The following CATSPERT variants were observed in gnomAD, a reference collection of about 807,000 sequenced individuals.
The protein encoded by CATSPERT is catsper channel auxiliary subunit tau, also known as cation channel sperm-associated targeting subunit tau.
At chr2:201,597,843 T>C in the CATSPERT span, among the ~76,000 whole-genome samples, 1 of 152,176 alleles carries the variant, frequency 6.6e-6, no homozygotes, top group Non-Finnish European at 1.5e-5. Flanking sequence ...AGCAGCTTTC[T>C]GGAACAATTA....
chr2:201,574,383 A>C, the CATSPERT span: 1 of 835,354 alleles, frequency 1.2e-6, no homozygotes, highest in African/African-American at 1.8e-5. Context: ...GAAAAGCCAA[A>C]GTATGAATCT....
the CATSPERT span, chr2:201,619,088 C>T: frequency 6.2e-7 from 1 of 1,614,196 alleles, no homozygotes; most frequent in Non-Finnish European, 8.5e-7. Flanking sequence ...CTGCGGTTAT[C>T]AAGTGTGCTG....
At chr2:201,615,920 T>G in the CATSPERT span, among the ~76,000 whole-genome samples, 131 of 152,306 alleles carry the variant, frequency 8.6e-4, no homozygotes, top group Non-Finnish European at 1.4e-3. Flanking sequence ...CAGAGAATAC[T>G]ATAAACACCT....
chr2:201,518,522 G>T, the CATSPERT span, among the ~76,000 whole-genome samples: 1 of 152,202 alleles, frequency 6.6e-6, no homozygotes, highest in Non-Finnish European at 1.5e-5. Context: ...AATGGTAGAT[G>T]AGTAGGTATC....
At chr2:201,506,268 A>AAAAC in the CATSPERT span, among the ~76,000 whole-genome samples, 6,258 of 151,150 alleles carry the variant, frequency 0.041, 335 homozygotes, top group African/African-American at 0.12. Flanking sequence ...CTCCGTCTCA[A>AAAAC]AAACAAACAA....
the CATSPERT span, among the ~76,000 whole-genome samples, chr2:201,575,834 C>A: frequency 3.3e-5 from 5 of 152,150 alleles, no homozygotes; most frequent in African/African-American, 9.7e-5. Flanking sequence ...CTTGAACCAT[C>A]TCGACCCACC....
chr2:201,611,555 G>A, the CATSPERT span, among the ~76,000 whole-genome samples: 1 of 152,072 alleles, frequency 6.6e-6, no homozygotes, highest in Non-Finnish European at 1.5e-5. Context: ...TTTAATAACT[G>A]TGTAGCAAAA....
At chr2:201,503,718 T>C in the CATSPERT span, among the ~76,000 whole-genome samples, 13,934 of 152,216 alleles carry the variant, frequency 0.092, 836 homozygotes, top group Non-Finnish European at 0.14. Context: ...TAACATTGTA[T>C]TGAATGTTAG....
At chr2:201,488,917 A>G in the CATSPERT span, among the ~76,000 whole-genome samples, 2 of 152,220 alleles carry the variant, frequency 1.3e-5, no homozygotes, top group South Asian at 2.1e-4. Flanking sequence ...GGAAGCCACA[A>G]TGAGATAATT....
At chr2:201,514,983 C>G in the CATSPERT span, among the ~76,000 whole-genome samples, 1 of 152,004 alleles carries the variant, frequency 6.6e-6, no homozygotes, top group Non-Finnish European at 1.5e-5. Flanking sequence ...ATGCTAGGAC[C>G]AGGTCAGATG....
At chr2:201,506,623 G>A in the CATSPERT span, among the ~76,000 whole-genome samples, 3 of 152,032 alleles carry the variant, frequency 2.0e-5, no homozygotes, top group African/African-American at 4.8e-5. Flanking sequence ...GCCTGACCTC[G>A]GCTCACTGCA....
the CATSPERT span, among the ~76,000 whole-genome samples, chr2:201,583,384 T>G: frequency 6.6e-6 from 1 of 152,176 alleles, no homozygotes; most frequent in Non-Finnish European, 1.5e-5. Flanking sequence ...GTTGTACTGC[T>G]GAGTAGAACG....
At chr2:201,591,383 T>C in the CATSPERT span, among the ~76,000 whole-genome samples, 2 of 152,230 alleles carry the variant, frequency 1.3e-5, no homozygotes. Flanking sequence ...TTTTGGTTAC[T>C]GTAGTCTTGT....
At chr2:201,506,938 G>T in the CATSPERT span, among the ~76,000 whole-genome samples, 4 of 152,178 alleles carry the variant, frequency 2.6e-5, no homozygotes, top group Non-Finnish European at 4.4e-5. Flanking sequence ...CTCATGCATT[G>T]CACTTAAAAT....
At chr2:201,562,485 C>A in the CATSPERT span, among the ~76,000 whole-genome samples, 1 of 151,662 alleles carries the variant, frequency 6.6e-6, no homozygotes, top group African/African-American at 2.4e-5. Context: ...CCACGCCCGG[C>A]CCCTTCTCTA....
the CATSPERT span, among the ~76,000 whole-genome samples, chr2:201,542,668 T>C: frequency 6.6e-6 from 1 of 152,238 alleles, no homozygotes; most frequent in Non-Finnish European, 1.5e-5. Context: ...TTTGGATAAA[T>C]ATGTATTCAA....
chr2:201,570,258 A>G, the CATSPERT span, among the ~76,000 whole-genome samples: 17 of 152,204 alleles, frequency 1.1e-4, no homozygotes, highest in African/African-American at 3.4e-4. Context: ...TCCTTCCACC[A>G]TCATCCCCTG....
the CATSPERT span, among the ~76,000 whole-genome samples, chr2:201,573,876 C>T: frequency 6.6e-6 from 1 of 152,062 alleles, no homozygotes; most frequent in Non-Finnish European, 1.5e-5. Context: ...AGGCTGGTCT[C>T]GAACTCCCAG....
At chr2:201,516,755 T>C in the CATSPERT span, among the ~76,000 whole-genome samples, 1 of 148,678 alleles carries the variant, frequency 6.7e-6, no homozygotes, top group African/African-American at 2.5e-5. Flanking sequence ...GAGATTTTTT[T>C]TCCCCCCTAC....
Sources: gnomAD v4.1 joint callset for allele counts (sites outside exome capture counted in the v4.1 genomes callset) on GRCh38, gnomAD v4.1.1 for gene constraint, MANE v1.5 for transcripts, NCBI Gene and HGNC (gene_info 2026-07-23, HGNC 2026-07-21) for gene names.